Variants in BRD10 observed in about 807,000 individuals in gnomAD.
BRD10 encodes bromodomain containing 10.
chr9:5,943,759 CAAGTT>C, the BRD10 span, among the ~76,000 whole-genome samples: 72 of 152,256 alleles, frequency 4.7e-4, no homozygotes, highest in African/African-American at 1.7e-3. Flanking sequence ...TCCACATTCT[CAAGTT>C]AATTATTGAA....
At chr9:5,891,418 TTC>T in the BRD10 span, 1 of 152,208 alleles carries the variant, frequency 6.6e-6, no homozygotes, top group Non-Finnish European at 1.5e-5. Flanking sequence ...TGACTTTCAT[TTC>T]TTTTTTACAA....
At chr9:5,915,641 G>C in the BRD10 span, among the ~76,000 whole-genome samples, 1 of 152,068 alleles carries the variant, frequency 6.6e-6, no homozygotes, top group Non-Finnish European at 1.5e-5. Flanking sequence ...AGTTATAAAC[G>C]TACTTGCAGT....
At chr9:5,968,865 A>G in the BRD10 span, 4 of 1,613,418 alleles carry the variant, frequency 2.5e-6, no homozygotes, top group Non-Finnish European at 3.4e-6. Context: ...ACTTCCCTGC[A>G]TTCATGGATA....
At chr9:5,914,409 GGTT>G in the BRD10 span, among the ~76,000 whole-genome samples, 90 of 106,950 alleles carry the variant, frequency 8.4e-4, 3 homozygotes, top group Admixed American at 4.6e-3. Flanking sequence ...AAATCCAGAT[GGTT>G]TTTTTTTTTT....
the BRD10 span, chr9:5,969,115 C>T: frequency 1.2e-5 from 19 of 1,613,670 alleles, no homozygotes; most frequent in East Asian, 1.1e-4. Context: ...TCTGCCTCAG[C>T]GCTGCTTCCC....
chr9:5,928,242 G>C, the BRD10 span, among the ~76,000 whole-genome samples: 11 of 151,922 alleles, frequency 7.2e-5, no homozygotes, highest in Non-Finnish European at 1.5e-4. Flanking sequence ...GCCACTCCTT[G>C]GTATCTGCAC....
chr9:5,924,603 A>G, the BRD10 span: 1 of 1,139,434 alleles, frequency 8.8e-7, no homozygotes. Context: ...CACAGCAAAC[A>G]AAAACTTCTC....
At chr9:5,937,357 T>C in the BRD10 span, among the ~76,000 whole-genome samples, 3 of 149,834 alleles carry the variant, frequency 2.0e-5, no homozygotes, top group Non-Finnish European at 3.0e-5. Context: ...GCCAATATGG[T>C]GAAACCATCT....
chr9:5,936,717 T>C, the BRD10 span, among the ~76,000 whole-genome samples: 11 of 152,338 alleles, frequency 7.2e-5, no homozygotes, highest in Non-Finnish European at 1.5e-4. Flanking sequence ...AATTAAAGTC[T>C]TTCCAAAGAT....
the BRD10 span, among the ~76,000 whole-genome samples, chr9:5,974,110 G>A: frequency 1.3e-5 from 2 of 151,730 alleles, no homozygotes; most frequent in African/African-American, 4.8e-5. Flanking sequence ...AAACATCAAA[G>A]ACATACACAA....
At chr9:5,896,904 G>A in the BRD10 span, among the ~76,000 whole-genome samples, 1 of 152,198 alleles carries the variant, frequency 6.6e-6, no homozygotes, top group African/African-American at 2.4e-5. Context: ...CTTCTCCCTA[G>A]GGCTGCAAGG....
chr9:5,935,195 C>A, the BRD10 span, among the ~76,000 whole-genome samples: 1 of 152,146 alleles, frequency 6.6e-6, no homozygotes, highest in Non-Finnish European at 1.5e-5. Context: ...ATACTCTTAC[C>A]AATTTTTACT....
the BRD10 span, among the ~76,000 whole-genome samples, chr9:6,003,156 C>T: frequency 1.8e-3 from 273 of 152,316 alleles, 7 homozygotes; most frequent in East Asian, 0.039. Context: ...AAGCTATACA[C>T]AAGCTTATTT....
At chr9:5,930,621 C>A in the BRD10 span, among the ~76,000 whole-genome samples, 1 of 151,640 alleles carries the variant, frequency 6.6e-6, no homozygotes, top group Admixed American at 6.6e-5. Context: ...AATATGGAAC[C>A]GAGGCTCATG....
the BRD10 span, among the ~76,000 whole-genome samples, chr9:5,881,187 TG>T: frequency 1.3e-5 from 2 of 152,158 alleles, no homozygotes; most frequent in African/African-American, 4.8e-5. Context: ...CGGGTATTTT[TG>T]GGTATCAGCA....
chr9:5,897,541 C>G, the BRD10 span: 96 of 1,609,020 alleles, frequency 6.0e-5, no homozygotes, highest in Non-Finnish European at 7.7e-5. Flanking sequence ...GTGGATTTGT[C>G]TATCTCTTGG....
chr9:6,007,109 G>C, the BRD10 span: 4 of 1,381,864 alleles, frequency 2.9e-6, no homozygotes, highest in African/African-American at 2.9e-5. Context: ...GCCGCCCCCA[G>C]GCCCCTGGCC....
the BRD10 span, among the ~76,000 whole-genome samples, chr9:5,917,975 A>G: frequency 2.6e-5 from 4 of 152,364 alleles, no homozygotes; most frequent in South Asian, 6.2e-4. Flanking sequence ...GACAAAAGGC[A>G]AACAGTTTTG....
chr9:5,920,075 C>T, the BRD10 span: 13 of 1,613,810 alleles, frequency 8.1e-6, no homozygotes, highest in Non-Finnish European at 8.5e-7. Context: ...GGGTATAGAA[C>T]TTGCATTCCC....
Sources: gnomAD v4.1 joint callset for allele counts (sites outside exome capture counted in the v4.1 genomes callset) on GRCh38, gnomAD v4.1.1 for gene constraint, MANE v1.5 for transcripts, NCBI Gene and HGNC (gene_info 2026-07-23, HGNC 2026-07-21) for gene names.